SDK1: variants seen among roughly 807,000 people sequenced by gnomAD.
SDK1 encodes the protein protein sidekick-1.
In SDK1, 157 loss-of-function variants were observed where a neutral mutation model predicts 245.5. The ratio of observed to expected loss-of-function variants is 0.64; its 90% confidence interval spans 0.56 to 0.73. SDK1 has a LOEUF of 0.73. Ranked by LOEUF, SDK1 falls within the 30% of genes least tolerant of loss-of-function variation. The pLI is 0.00. For synonymous variants in SDK1, 1,647 were observed against 1,278.5 expected, an observed-to-expected ratio of 1.29 and a Z score of -6.15; for missense variants, 3,583 against 3,002.3, an observed-to-expected ratio of 1.19 and a Z score of -4.52.
chr7:4,253,333 G>C (rs1199547294), intron 44 of SDK1, among the ~76,000 whole-genome samples: 1 of 151,862 alleles, frequency 6.6e-6, no homozygotes, highest in Non-Finnish European at 1.5e-5. Context: ...TTGTGTTTTT[G>C]TTTTCACTCA....
chr7:3,750,063 A>G (rs778976726), intron 4 of SDK1, among the ~76,000 whole-genome samples: 3 of 152,236 alleles, frequency 2.0e-5, no homozygotes, highest in Admixed American at 1.3e-4. Context: ...TTCTTTGCCT[A>G]GCAGAAAATT....
At chr7:3,598,144 A>G (rs1359821737) in intron 1 of SDK1, among the ~76,000 whole-genome samples, 1 of 152,214 alleles carries the variant, frequency 6.6e-6, no homozygotes, top group Non-Finnish European at 1.5e-5. Context: ...TTCTGATGTC[A>G]AATGATGTTG....
intron 2 of SDK1, among the ~76,000 whole-genome samples, chr7:3,625,663 A>G (rs1053508190): frequency 1.3e-5 from 2 of 152,212 alleles, no homozygotes; most frequent in East Asian, 1.9e-4. Context: ...GAAAGAGGAA[A>G]TTATTTATCA....
At chr7:4,116,958 G>A (rs1222783729) in intron 25 of SDK1, among the ~76,000 whole-genome samples, 1 of 152,214 alleles carries the variant, frequency 6.6e-6, no homozygotes. Context: ...GAAAGGTGGA[G>A]ACGCACCCAC....
intron 21 of SDK1, among the ~76,000 whole-genome samples, chr7:4,078,063 C>G (rs1453110128): frequency 1.3e-5 from 2 of 152,210 alleles, no homozygotes; most frequent in Non-Finnish European, 2.9e-5. Flanking sequence ...TCCAGAAACA[C>G]TCTGACGCAC....
chr7:4,005,127 C>G (rs1248395267), intron 14 of SDK1, among the ~76,000 whole-genome samples: 1 of 146,092 alleles, frequency 6.8e-6, no homozygotes, highest in African/African-American at 2.6e-5. Context: ...CTCACTGCAA[C>G]CTCCATCTCC....
At chr7:4,246,311 C>T (rs779654975) in intron 44 of SDK1, among the ~76,000 whole-genome samples, 27 of 152,210 alleles carry the variant, frequency 1.8e-4, no homozygotes, top group East Asian at 1.7e-3. Context: ...CATGTAGTCC[C>T]GGGGTAACTG....
chr7:3,610,789 G>A (rs1157010637), intron 1 of SDK1, among the ~76,000 whole-genome samples: 1 of 152,170 alleles, frequency 6.6e-6, no homozygotes, highest in African/African-American at 2.4e-5. Flanking sequence ...TTCCCCACTG[G>A]CTGACTGCAT....
chr7:3,804,589 C>G (rs540405996), intron 4 of SDK1, among the ~76,000 whole-genome samples: 2 of 152,250 alleles, frequency 1.3e-5, no homozygotes, highest in East Asian at 1.9e-4. Flanking sequence ...AATATTTTCT[C>G]TATAGGAAAA....
intron 5 of SDK1, among the ~76,000 whole-genome samples, chr7:3,915,915 C>A (rs1187905766): frequency 1.3e-5 from 2 of 152,162 alleles, no homozygotes; most frequent in African/African-American, 4.8e-5. Flanking sequence ...TTCTTGATCA[C>A]TTTATTAAGC....
chr7:3,374,785 A>C (rs1742462993), intron 1 of SDK1, among the ~76,000 whole-genome samples: 2 of 152,038 alleles, frequency 1.3e-5, no homozygotes, highest in South Asian at 4.1e-4. Context: ...ATATTTCTTC[A>C]AAGAGACTTT....
At chr7:3,474,255 C>G (rs1222972966) in intron 1 of SDK1, among the ~76,000 whole-genome samples, 1 of 151,558 alleles carries the variant, frequency 6.6e-6, no homozygotes, top group East Asian at 1.9e-4. Context: ...GCCACCACGA[C>G]CAGCTAATTT....
intron 39 of SDK1, 128 bp downstream of exon 39, chr7:4,220,398 C>A (rs929520212): frequency 2.0e-6 from 2 of 999,974 alleles, no homozygotes; most frequent in Admixed American, 5.2e-5. Context: ...GGCATCAACT[C>A]GGGGATGTCT....
chr7:3,364,526 T>A (rs1318428398), intron 1 of SDK1, among the ~76,000 whole-genome samples: 2 of 152,224 alleles, frequency 1.3e-5, no homozygotes, highest in Non-Finnish European at 2.9e-5. Flanking sequence ...GCACCATTTG[T>A]TGAAAAGCCT....
intron 1 of SDK1, among the ~76,000 whole-genome samples, chr7:3,411,658 C>T (rs1281588480): frequency 1.3e-5 from 2 of 152,098 alleles, no homozygotes; most frequent in Non-Finnish European, 2.9e-5. Context: ...CTAATTTTAA[C>T]CTGAAAAAGC....
At chr7:3,509,123 T>TCA (rs1161408515) in intron 1 of SDK1, among the ~76,000 whole-genome samples, 2 of 151,882 alleles carry the variant, frequency 1.3e-5, no homozygotes, top group Non-Finnish European at 2.9e-5. Context: ...CGTGTGATAC[T>TCA]CAGACACACA....
intron 5 of SDK1, among the ~76,000 whole-genome samples, chr7:3,920,681 G>A (rs1311847131): frequency 1.3e-5 from 2 of 152,038 alleles, no homozygotes; most frequent in Non-Finnish European, 1.5e-5. Flanking sequence ...GTGGAGATTC[G>A]GGAGTGACTG....
At chr7:3,730,605 A>G (rs1464867685) in intron 4 of SDK1, among the ~76,000 whole-genome samples, 1 of 152,096 alleles carries the variant, frequency 6.6e-6, no homozygotes, top group Non-Finnish European at 1.5e-5. Flanking sequence ...TGAGGTCACA[A>G]ATGGCTTTTT....
intron 32 of SDK1, among the ~76,000 whole-genome samples, chr7:4,167,017 C>G (rs1396855773): frequency 6.6e-6 from 1 of 152,226 alleles, no homozygotes; most frequent in Non-Finnish European, 1.5e-5. Flanking sequence ...GGTGCCCACC[C>G]TCCTGGGTCT....
Sources: allele counts gnomAD v4.1 joint callset (sites outside exome capture counted in the v4.1 genomes callset), GRCh38; gene constraint gnomAD v4.1.1; transcripts MANE v1.5; gene names NCBI Gene and HGNC (gene_info 2026-07-23, HGNC 2026-07-21).